Variants in MYZAP observed in about 807,000 individuals in gnomAD.
The protein encoded by MYZAP is myocardial zonula adherens protein.
MYZAP carries 66 observed loss-of-function variants against 69.4 expected under a neutral mutation model. That is an observed-to-expected ratio of 0.95 (90% CI 0.78 to 1.17). The LOEUF (loss-of-function observed/expected upper bound fraction) is 1.17. Ranked by LOEUF, MYZAP falls within the 50% of genes most tolerant of loss-of-function variation. The pLI, the probability that MYZAP is intolerant of heterozygous loss-of-function variation, is 0.00. For missense variants in MYZAP, 611 were observed against 556.2 expected, an observed-to-expected ratio of 1.10 and a Z score of -0.99; for synonymous variants, 256 against 205.9, an observed-to-expected ratio of 1.24 and a Z score of -2.09.
intron 8 of MYZAP, among the ~76,000 whole-genome samples, chr15:57,636,203 G>A (rs545227081): frequency 1.1e-4 from 17 of 151,948 alleles, no homozygotes; most frequent in Admixed American, 5.9e-4. Context: ...TTATTTCGGG[G>A]CTAATGTAAA....
chr15:57,633,101 C>T (rs1443687837), intron 7 of MYZAP, among the ~76,000 whole-genome samples: 1 of 152,172 alleles, frequency 6.6e-6, no homozygotes, highest in Non-Finnish European at 1.5e-5. Flanking sequence ...TTGGCTTTTC[C>T]AGGAGATTAT....
rs139952995 is a variant in MYZAP, at chr15:57,666,710, A to G, written c.1203+5177A>G. On this transcript the variant is annotated intron_variant, in intron 11 of 12. Coordinates refer to ENST00000267853, the MANE Select transcript of MYZAP (RefSeq NM_001018100.5). ...GGGGAAAAGGTCTGAAAAACCACCT[A>G]CTAGGTACTATGCTTATTACCTGGG... Among the ~76,000 whole-genome samples the G allele has an allele frequency of 2.0e-3, 298 of 152,216 alleles. 3 individuals are homozygous for G. The highest frequency in any genetic ancestry group is 3.1e-4 in the Non-Finnish European group (21 of 68,006).
At chr15:57,655,468 C>T (rs764420741) in intron 10 of MYZAP, among the ~76,000 whole-genome samples, 19 of 152,116 alleles carry the variant, frequency 1.2e-4, no homozygotes, top group Non-Finnish European at 2.4e-4. Context: ...GTGAGATAGT[C>T]TGCATTCCTG....
intron 10 of MYZAP, among the ~76,000 whole-genome samples, chr15:57,651,591 G>A (rs1298254914): frequency 6.6e-6 from 1 of 152,210 alleles, no homozygotes; most frequent in Non-Finnish European, 1.5e-5. Flanking sequence ...GACAGCCTGG[G>A]CCTTGCCCTC....
chr15:57,675,361 C>T (rs1470296385), intron 12 of MYZAP, among the ~76,000 whole-genome samples: 1 of 152,050 alleles, frequency 6.6e-6, no homozygotes, highest in African/African-American at 2.4e-5. Flanking sequence ...TCAACTAATG[C>T]TCTTAGTACC....
intron 3 of MYZAP, among the ~76,000 whole-genome samples, chr15:57,620,135 T>A (rs773691859): frequency 3.3e-5 from 5 of 152,158 alleles, no homozygotes; most frequent in Non-Finnish European, 7.3e-5. Flanking sequence ...AATGAAAAGT[T>A]GTACCTTTAA....
chr15:57,602,091 A>T (rs1281534751), intron 1 of MYZAP, among the ~76,000 whole-genome samples: 1 of 152,046 alleles, frequency 6.6e-6, no homozygotes, highest in Admixed American at 6.5e-5. Context: ...GATTTTTGAC[A>T]TTCCCTCTAG....
chr15:57,620,480 A>G (rs1486368080), intron 3 of MYZAP, among the ~76,000 whole-genome samples: 3 of 152,314 alleles, frequency 2.0e-5, no homozygotes, highest in Middle Eastern at 3.4e-3. Context: ...GGATACCAGA[A>G]GAAGGGAGGA....
In MYZAP at chr15:57,648,992, G is replaced by A. The variant is rs143742886; in HGVS notation, c.1119+9447G>A. Among the ~76,000 whole-genome samples the A allele has an allele frequency of 8.1e-3, 1,217 of 151,130 alleles. 20 individuals are homozygous for A. The highest frequency in any genetic ancestry group is 0.028 in the African/African-American group (1,150 of 41,274). ...GCTTAGTTTGTGTTTTAAATTTTAC[G>A]TAAATTTTAATTTATAATATTAAAA... On this transcript the variant is annotated intron_variant, in intron 10 of 12. Coordinates refer to ENST00000267853, the MANE Select transcript of MYZAP (RefSeq NM_001018100.5).
intron 10 of MYZAP, among the ~76,000 whole-genome samples, chr15:57,648,789 T>G (rs1159061220): frequency 6.6e-6 from 1 of 151,584 alleles, no homozygotes; most frequent in African/African-American, 2.4e-5. Context: ...TTTCTGTTTT[T>G]TTTTTTTTTT....
intron 2 of MYZAP, among the ~76,000 whole-genome samples, chr15:57,608,365 G>A (rs539048382): frequency 5.3e-5 from 8 of 152,316 alleles, no homozygotes; most frequent in Admixed American, 2.0e-4. Context: ...TGTGGATGGC[G>A]TATTTTGCCC....
At chr15:57,622,589 A>T (rs2035885152) in intron 4 of MYZAP, among the ~76,000 whole-genome samples, 1 of 152,178 alleles carries the variant, frequency 6.6e-6, no homozygotes, top group African/African-American at 2.4e-5. Flanking sequence ...TACTCCAGAA[A>T]TGTACCCCTG....
chr15:57,670,154 A>G (rs1423863233), intron 11 of MYZAP, among the ~76,000 whole-genome samples: 3 of 151,918 alleles, frequency 2.0e-5, no homozygotes, highest in Non-Finnish European at 4.4e-5. Context: ...GATAACTGAC[A>G]TTTTTCTTGG....
rs190396741 is a variant in MYZAP, at chr15:57,681,656, G to A, written c.1305-2746G>A. Among the ~76,000 whole-genome samples, 34 of 152,212 alleles carry A rather than the reference G, an allele frequency of 2.2e-4. 1 individual carries two copies. In the East Asian group the frequency reaches 5.0e-3, roughly 23 times the overall value. On this transcript the variant is annotated intron_variant, in intron 12 of 12. Transcript: ENST00000267853. ...AAAATTAACCAGGTGGTCATGGCACGCGCCTGTAATCCCAGCTACTTGGGA... is the reference window on the plus strand; with the variant it reads ...AAAATTAACCAGGTGGTCATGGCACACGCCTGTAATCCCAGCTACTTGGGA...
At chr15:57,598,860 T>C (rs1322715913) in intron 1 of MYZAP, among the ~76,000 whole-genome samples, 1 of 152,234 alleles carries the variant, frequency 6.6e-6, no homozygotes, top group East Asian at 1.9e-4. Flanking sequence ...GTTGTTATGA[T>C]GGTGGGTTCT....
intron 12 of MYZAP, among the ~76,000 whole-genome samples, chr15:57,676,400 ATATATATATG>A (rs1348658682): frequency 4.9e-3 from 60 of 12,254 alleles, no homozygotes; most frequent in African/African-American, 6.6e-3. Flanking sequence ...AATGTTGAAT[ATATATATATG>A]TATATATATG....
intron 12 of MYZAP, among the ~76,000 whole-genome samples, chr15:57,676,898 A>G (rs2039165112): frequency 1.3e-5 from 2 of 152,206 alleles, no homozygotes; most frequent in South Asian, 2.1e-4. Flanking sequence ...CAGCTTTTCC[A>G]TAAATGTAAC....
chr15:57,646,178 C>T (rs1198582680), intron 10 of MYZAP: 3 of 1,289,376 alleles, frequency 2.3e-6, no homozygotes, highest in Admixed American at 4.6e-5. Flanking sequence ...GTCTCCGGCT[C>T]TTTGGAAGAT....
intron 12 of MYZAP, among the ~76,000 whole-genome samples, chr15:57,681,821 T>G (rs1230440413): frequency 1.3e-5 from 2 of 151,860 alleles, no homozygotes; most frequent in Non-Finnish European, 2.9e-5. Flanking sequence ...GAAGCCTGTA[T>G]AATAGTGATG....
Sources: allele counts gnomAD v4.1 joint callset (sites outside exome capture counted in the v4.1 genomes callset), GRCh38; gene constraint gnomAD v4.1.1; transcripts MANE v1.5; gene names NCBI Gene and HGNC (gene_info 2026-07-23, HGNC 2026-07-21).